CPNE7: variants seen among roughly 807,000 people sequenced by gnomAD.
CPNE7 encodes the protein copine 7.
Under a neutral mutation model 66.5 loss-of-function variants are expected in CPNE7, and 78 were observed. The observed-to-expected ratio is 1.17, with a 90% CI of 0.98 to 1.42. The LOEUF (loss-of-function observed/expected upper bound fraction) is 1.42. Among genes scored for constraint, CPNE7 ranks in the 40% most tolerant of loss-of-function variants. CPNE7 has a pLI of 0.00. For synonymous variants in CPNE7, 468 were observed against 336.7 expected (o/e 1.39, Z -4.27); for missense variants, 1,012 against 776.6 (o/e 1.30, Z -3.60).
intron 9 of CPNE7, chr16:89,587,441 G>T (rs2059072397): frequency 2.0e-5 from 8 of 401,572 alleles, no homozygotes; most frequent in South Asian, 1.0e-4. Context: ...GCTCCTGGGG[G>T]TCCTCCCTTT....
At position 89,587,223 on chromosome 16, in the gene CPNE7, C is replaced by T. The variant is rs1462499985; in HGVS notation, c.927+121C>T. On this transcript the variant is annotated intron_variant, in intron 9 of 14. Coordinates refer to ENST00000319518, the MANE Select transcript of CPNE7 (RefSeq NM_153636.3). ...CAGTCTGTGGCCCCGCCCATCCCCG[C>T]CCCCTCAGTCCGTGGCCCCGCCCCT... is the stretch of plus-strand genomic sequence containing the variant. The T allele has an allele frequency of 1.4e-4, 26 of 180,454 alleles. 2 individuals carry two copies. In the East Asian group the frequency reaches 2.6e-3, roughly 18 times the overall value. The allele number at this position is 180,454 out of a possible 1,614,324, so 11.2% of individuals were successfully genotyped here.
intron 13 of CPNE7, among the ~76,000 whole-genome samples, chr16:89,593,907 G>A (rs421959): frequency 1.4e-4 from 21 of 152,098 alleles, no homozygotes; most frequent in African/African-American, 4.1e-4. Context: ...GGTCTCAGAC[G>A]GTTTCATCTG....
Position 89,580,271 on chromosome 16 carries a change from A to G in CPNE7, c.357+2550A>G, listed in dbSNP as rs1485324213. ...GGAACATCCCATCACCTGCAGACAC[A>G]GAACATCTCACCCATCACACGGAAC... On this transcript the variant is annotated intron_variant, in intron 2 of 14. Transcript: ENST00000319518. Among the ~76,000 whole-genome samples the G allele has an allele frequency of 1.3e-3, 148 of 112,986 alleles. 1 individual carries two copies. Among genetic ancestry groups the G allele is most frequent in the African/African-American group, 5.1e-3 (134 of 26,050 alleles). The allele number at this position is 112,986 out of a possible 152,430, so 74.1% of individuals were successfully genotyped here.
chr16:89,589,178 GC>G (rs1365364546), intron 10 of CPNE7, among the ~76,000 whole-genome samples: 4 of 152,208 alleles, frequency 2.6e-5, no homozygotes, highest in Admixed American at 1.3e-4. Context: ...TGTAATCCCA[GC>G]TACTCAGGAG....
intron 9 of CPNE7, among the ~76,000 whole-genome samples, chr16:89,588,079 CACA>C (rs2059106553): frequency 3.0e-5 from 1 of 33,426 alleles, no homozygotes; most frequent in East Asian, 6.5e-4. Context: ...CCGTGTTACC[CACA>C]GATACACGGC....
rs1468326586 is a variant in CPNE7, at chr16:89,586,752, T to C, written c.863T>C (p.Leu288Pro). The change falls in exon 8 of 15, where the codon CTC becomes CCC. Residue 288 changes from leucine (L) to proline (P), a missense_variant. Transcript: ENST00000319518. ...TCAGGAGTGGTCGTCCTGGCTGACC[T>C]CAAGGTGAGAGGTGGCTGTGCCCGA... ...KNSGVVVLADLKFHRVYSFLD... is the reference protein window; with the variant it reads ...KNSGVVVLADPKFHRVYSFLD... 2 of 1,612,278 alleles carry C rather than the reference T, an allele frequency of 1.2e-6. No homozygotes were observed. The highest frequency in any genetic ancestry group is 2.2e-5 in the South Asian group (2 of 91,014).
intron 14 of CPNE7, chr16:89,595,944 GACAC>G (rs1275910566): frequency 3.8e-6 from 2 of 527,348 alleles, no homozygotes; most frequent in Non-Finnish European, 3.7e-6. Flanking sequence ...TACCCGCCGA[GACAC>G]ACACAGCACA....
At chr16:89,587,991 GATACACGGCCCCC>G (rs1414914168) in intron 9 of CPNE7, among the ~76,000 whole-genome samples, 3 of 8,094 alleles carry the variant, frequency 3.7e-4, no homozygotes, top group African/African-American at 1.2e-3. Context: ...GTCACCCACA[GATACACGGCCCCC>G]CGTGTTACCC....
chr16:89,578,925 C>G (rs1037651104), intron 2 of CPNE7: 1 of 1,613,804 alleles, frequency 6.2e-7, no homozygotes, highest in South Asian at 1.1e-5. Context: ...CTGCTGGACA[C>G]TGCGCTAAGC....
At chr16:89,578,833 C>G in intron 2 of CPNE7, 1 of 1,591,630 alleles carries the variant, frequency 6.3e-7, no homozygotes, top group Non-Finnish European at 8.6e-7. Flanking sequence ...CTTGGTGATG[C>G]TCTCTGGGTT....
chr16:89,578,052 CTTTTTTTTCTTTTTCT>C (rs1244752277), intron 2 of CPNE7, among the ~76,000 whole-genome samples: 4 of 140,046 alleles, frequency 2.9e-5, no homozygotes, highest in African/African-American at 5.2e-5. Context: ...CCTCTTTTTT[CTTTTTTTTCTTTTTCT>C]TTTTTTTTTT....
chr16:89,587,204 G>A (rs2059062955), intron 9 of CPNE7, 102 bp downstream of exon 9: 1 of 439,220 alleles, frequency 2.3e-6, no homozygotes. Flanking sequence ...CCCTCAGTCT[G>A]TGGCCCCGCC....
chr16:89,586,915 TG>T, intron 8 of CPNE7, 127 bp from the exon 9 acceptor site: 1 of 1,094,626 alleles, frequency 9.1e-7, no homozygotes, highest in South Asian at 1.3e-5. Context: ...GGAGAGAGGA[TG>T]GGGGAGAGGA....
chr16:89,591,154 A>G lies in CPNE7; in HGVS notation c.1196A>G (p.Gln399Arg), dbSNP rs1246151569. The change falls in exon 13 of 15, where the codon CAG becomes CGG. Residue 399 changes from glutamine (Q) to arginine (R), a missense_variant. Transcript: ENST00000319518. ...EGIQGVVEAY[Q>R]NCLPRVQLYG... ...ATCCAGGGCGTGGTGGAGGCCTACCAGAACTGCCTGCCCAGGGTCCAGCTC... is the reference window on the plus strand; with the variant it reads ...ATCCAGGGCGTGGTGGAGGCCTACCGGAACTGCCTGCCCAGGGTCCAGCTC... 8 of 1,609,962 alleles carry G rather than the reference A, an allele frequency of 5.0e-6. No individual in the cohort carries two copies. The highest frequency in any genetic ancestry group is 6.8e-6 in the Non-Finnish European group (8 of 1,178,488).
At chr16:89,583,575 G>C in intron 2 of CPNE7, 122 bp from the exon 3 acceptor site, 3 of 1,601,564 alleles carry the variant, frequency 1.9e-6, no homozygotes, top group Non-Finnish European at 8.5e-7. Flanking sequence ...GGGCAGTGAA[G>C]CTCATGGTGG....
rs754067045 is a variant in CPNE7 at position 89,595,622 on chromosome 16, C to G, written c.1539+19C>G. 8.8e-6 allele frequency: 14 copies of G among 1,584,664 alleles called. No individual in the cohort carries two copies. In the Admixed American group the frequency reaches 1.2e-4, roughly 13 times the overall value. Reference sequence around the variant, plus strand: ...CAAGAACGTGAGTGTCCTGGAGGGGCTCCGTCAAGGCCGGCTTGGGGGTCC... The same window carrying G: ...CAAGAACGTGAGTGTCCTGGAGGGGGTCCGTCAAGGCCGGCTTGGGGGTCC... On this transcript the variant is annotated intron_variant, in intron 14 of 14. Coordinates refer to ENST00000319518, the MANE Select transcript of CPNE7 (RefSeq NM_153636.3).
Position 89,595,385 on chromosome 16 carries a change from A to C in CPNE7, c.1321A>C (p.Ile441Leu), listed in dbSNP as rs774427909. Residue 441 changes from isoleucine (I) to leucine (L), a missense_variant, in exon 14 of 15, where the codon ATC becomes CTC. By Grantham distance (5) the Ile-to-Leu change is conservative (BLOSUM62 2). Coordinates refer to ENST00000319518, the MANE Select transcript of CPNE7 (RefSeq NM_153636.3). ...GKASQYYILL[I>L]LTDGVVTDMA... ...CCCCCAGCAATACTACATCCTGCTG[A>C]TCCTGACGGACGGCGTGGTGACCGA... 6 of 1,583,916 alleles carry C rather than the reference A, an allele frequency of 3.8e-6. No homozygotes were observed. Among genetic ancestry groups the C allele is most frequent in the Admixed American group, 1.7e-5 (1 of 58,684 alleles).
intron 13 of CPNE7, among the ~76,000 whole-genome samples, chr16:89,593,003 G>A (rs1261103155): frequency 1.3e-5 from 2 of 150,904 alleles, no homozygotes; most frequent in African/African-American, 4.9e-5. Context: ...GTAGAGATGG[G>A]GTTTCACTGT....
Position 89,575,770 on chromosome 16 carries a change from G to T in CPNE7, c.-128G>T, listed in dbSNP as rs913182999. On this transcript the variant is annotated 5_prime_UTR_variant, in exon 1 of 15. Coordinates refer to ENST00000319518, the MANE Select transcript of CPNE7 (RefSeq NM_153636.3). ...GGCCGCCCGAGCCACGTGCGCCCGCGCCCGGCAGGCGTTCAGGGAAGCGCG... is the reference window on the plus strand; with the variant it reads ...GGCCGCCCGAGCCACGTGCGCCCGCTCCCGGCAGGCGTTCAGGGAAGCGCG... 16 of 651,242 alleles carry T rather than the reference G, an allele frequency of 2.5e-5. No individual in the cohort carries two copies. The highest frequency in any genetic ancestry group is 2.9e-5 in the Non-Finnish European group (15 of 522,120). The allele number at this position is 651,242 out of a possible 1,614,324, so 40.3% of individuals were successfully genotyped here. A position where few individuals can be genotyped will look rare whatever the true frequency, so the allele number is the denominator to read the frequency against.
Sources: allele counts gnomAD v4.1 joint callset (sites outside exome capture counted in the v4.1 genomes callset), GRCh38; gene constraint gnomAD v4.1.1; transcripts MANE v1.5; gene names NCBI Gene and HGNC (gene_info 2026-07-23, HGNC 2026-07-21).